PER2: variants seen among roughly 807,000 people sequenced by gnomAD.
The protein encoded by PER2 is period circadian regulator 2.
PER2 carries 66 observed loss-of-function variants against 121.0 expected under a neutral mutation model. The ratio of observed to expected loss-of-function variants is 0.55; its 90% CI spans 0.45 to 0.67. The LOEUF (loss-of-function observed/expected upper bound fraction) is 0.67. Among genes scored for constraint, PER2 ranks in the 30% least tolerant of loss-of-function variants. PER2 has a pLI of 0.00. For synonymous variants in PER2, 684 were observed against 659.9 expected (o/e 1.04, Z -0.56); for missense variants, 1,521 against 1,635.0 (o/e 0.93, Z 1.20).
At position 238,253,257 on chromosome 2, in the gene PER2, C is replaced by T. The variant is rs767571659; in HGVS notation, c.2766G>A (p.Gln922=). ...ACTGAGGCTGGCTGGGGAAGAAGGC[C>T]TGGGGCAGGTTTGGGGTCCCCGAGG... ...SFPSGTPNLP[Q]AFFPSQPQFP... The change falls in exon 19 of 23, where the codon CAG becomes CAA. Residue 922 remains glutamine (Q), a synonymous_variant. Coordinates refer to ENST00000254657, the MANE Select transcript of PER2 (RefSeq NM_022817.3). The surrounding 1 kb of genome is among the most constrained non-coding windows in gnomAD (Gnocchi z 5.6). The T allele has an allele frequency of 6.8e-6, 11 of 1,607,732 alleles. No homozygotes were observed. In the South Asian group the frequency reaches 1.2e-4, roughly 18 times the overall value.
upstream of PER2, among the ~76,000 whole-genome samples, chr2:238,291,480 T>G (rs1696949167): frequency 6.6e-6 from 1 of 152,216 alleles, no homozygotes; most frequent in African/African-American, 2.4e-5. Context: ...GTAGGTGGCA[T>G]GGTTTGCGGG....
intron 12 of PER2, 51 bp downstream of exon 12, chr2:238,261,678 G>A: frequency 3.4e-6 from 4 of 1,173,198 alleles, no homozygotes; most frequent in Non-Finnish European, 3.7e-6. Flanking sequence ...TCCTCTGCAG[G>A]GGGCTCTCAG....
At chr2:238,295,494 A>T in the PER2 span, 2 of 152,104 alleles carry the variant, frequency 1.3e-5, no homozygotes, top group African/African-American at 4.8e-5. Flanking sequence ...CAGCGTCCCA[A>T]AGCTCTGGGA....
intron 21 of PER2, among the ~76,000 whole-genome samples, chr2:238,249,751 G>A (rs1026347980): frequency 2.0e-5 from 3 of 152,240 alleles, no homozygotes; most frequent in Non-Finnish European, 4.4e-5. Context: ...CGCTGTCCTG[G>A]TGATAGTGAG....
At position 238,257,016 on chromosome 2, in the gene PER2, C is replaced by G; in HGVS notation, c.1971G>C (p.Pro657=). The change falls in exon 17 of 23, where the codon CCG becomes CCC. Residue 657 remains proline, a synonymous_variant. Transcript: ENST00000254657. ...VGTHLTSLAL[P]GKAESVASLT... ...GCGACGCCACACTCTCTGCCTTGCC[C>G]GGCAGTGCCAGCGAGGTCAGGTGCG... is the stretch of plus-strand genomic sequence containing the variant. 6.2e-7 allele frequency: 1 copy of G among 1,613,546 alleles called. No homozygotes were observed. Among genetic ancestry groups the G allele is most frequent in the Admixed American group, 1.7e-5 (1 of 60,022 alleles).
rs564060677 is a variant in PER2, at chr2:238,263,162, C to T, written c.1047-104G>A. The T allele has an allele frequency of 4.1e-6, 3 of 727,556 alleles. No homozygotes were observed. The East Asian group carries it at 8.5e-5, about 21-fold the overall frequency. 45.1% of individuals were successfully genotyped at this position (727,556 alleles called of 1,614,324 possible). A position where few individuals can be genotyped will look rare whatever the true frequency, so the allele number is the denominator to read the frequency against. ...TGGAAAGAGAAGATACACTCCAAAC[C>T]CCACCCCCTCCCCCACCCCCGGAGA... On this transcript the variant is annotated intron_variant, in intron 9 of 22. Coordinates refer to ENST00000254657, the MANE Select transcript of PER2 (RefSeq NM_022817.3).
intron 21 of PER2, among the ~76,000 whole-genome samples, chr2:238,249,670 G>T (rs1411064559): frequency 6.6e-6 from 1 of 152,224 alleles, no homozygotes; most frequent in Non-Finnish European, 1.5e-5. Flanking sequence ...ATCTTATCTG[G>T]AACTGTAATA....
At chr2:238,292,549 G>T (rs974809611), upstream of PER2, among the ~76,000 whole-genome samples, 122 of 152,184 alleles carry the variant, frequency 8.0e-4, no homozygotes, top group African/African-American at 2.7e-3. Context: ...TCCTTGGCCC[G>T]TTCCACCCTG....
chr2:238,265,114 G>C (rs1696052988), intron 9 of PER2, among the ~76,000 whole-genome samples: 2 of 152,210 alleles, frequency 1.3e-5, no homozygotes, highest in Non-Finnish European at 2.9e-5. Flanking sequence ...GGGGCTCTGA[G>C]GCATGGAGAA....
intron 8 of PER2, among the ~76,000 whole-genome samples, chr2:238,266,159 T>A (rs12474243): frequency 0.59 from 89,530 of 151,778 alleles, 27,654 homozygotes; most frequent in Non-Finnish European, 0.68. Context: ...CACCTTGGCC[T>A]CCCAAAGTGC....
chr2:238,255,525 A>G, intron 18 of PER2, 132 bp downstream of exon 18: 1 of 925,792 alleles, frequency 1.1e-6, no homozygotes, highest in Admixed American at 1.7e-5. Flanking sequence ...TTGCCAGGGA[A>G]GTTCCAACAG....
In PER2 at chr2:238,250,625, G is replaced by A; in HGVS notation, c.3393C>T (p.Val1131=). 6.2e-7 allele frequency: 1 copy of A among 1,613,924 alleles called. No homozygotes were observed. The highest frequency in any genetic ancestry group is 1.7e-5 in the Admixed American group (1 of 60,028). Reference sequence around the variant, plus strand: ...TCAGCAGCCAGATGGGATCCTGCAGGACGCACTTAATGAAATGCTCACTTT... The same window carrying A: ...TCAGCAGCCAGATGGGATCCTGCAGAACGCACTTAATGAAATGCTCACTTT... The part of the protein sequence containing the change: ...MEESEHFIKC[V]LQDPIWLLMA... The change falls in exon 21 of 23, where the codon GTC becomes GTT. Residue 1131 remains valine (V), a synonymous_variant. Coordinates refer to ENST00000254657, the MANE Select transcript of PER2 (RefSeq NM_022817.3).
upstream of PER2, among the ~76,000 whole-genome samples, chr2:238,293,789 A>G (rs1027305325): frequency 1.3e-5 from 2 of 152,058 alleles, no homozygotes; most frequent in African/African-American, 4.8e-5. Context: ...CAAGGATTTC[A>G]CTGAGACGAA....
chr2:238,271,677 T>C (rs951112238), intron 5 of PER2, among the ~76,000 whole-genome samples, 164 bp from the exon 6 acceptor site: 2 of 152,104 alleles, frequency 1.3e-5, no homozygotes, highest in Non-Finnish European at 1.5e-5. Context: ...ATCTTGCCTG[T>C]TGACAGAGCA....
At chr2:238,285,963 G>A (rs540281111) in intron 1 of PER2, among the ~76,000 whole-genome samples, 18 of 152,218 alleles carry the variant, frequency 1.2e-4, no homozygotes, top group African/African-American at 4.3e-4. Context: ...ATAAACAGCC[G>A]CACTCTCCAT....
chr2:238,257,507 T>A (rs1293494742), intron 16 of PER2, among the ~76,000 whole-genome samples: 1 of 152,214 alleles, frequency 6.6e-6, no homozygotes, highest in Non-Finnish European at 1.5e-5. Context: ...GGAGTCTCGC[T>A]CTGTCACCCA....
chr2:238,258,187 T>G (rs921430784), intron 16 of PER2, 89 bp downstream of exon 16: 7 of 1,396,214 alleles, frequency 5.0e-6, no homozygotes, highest in African/African-American at 4.3e-5. Context: ...ACCCTTACAC[T>G]GTGTCCACAG....
In PER2 at chr2:238,252,999, C is replaced by G. The variant is rs891276705; in HGVS notation, c.3024G>C (p.Gly1008=). ...EAPEGGTGAM[G]TTGATETAAV... ...CTGCTGTCTCTGTGGCCCCTGTGGT[C>G]CCCATGGCTCCAGTGCCACCCTCAG... The change falls in exon 19 of 23, where the codon GGG becomes GGC. Residue 1008 remains glycine (G), a synonymous_variant. Transcript: ENST00000254657. The surrounding 1 kb of genome is among the most constrained non-coding windows in gnomAD (Gnocchi z 4.2). The G allele has an allele frequency of 6.2e-7, 1 of 1,613,978 alleles. No individual in the cohort carries two copies. Among genetic ancestry groups the G allele is most frequent in the Non-Finnish European group, 8.5e-7 (1 of 1,180,018 alleles).
At chr2:238,257,822 G>A (rs1010706641) in intron 16 of PER2, among the ~76,000 whole-genome samples, 3 of 152,246 alleles carry the variant, frequency 2.0e-5, no homozygotes, top group African/African-American at 2.4e-5. Flanking sequence ...CACTGACAGC[G>A]TTGTGTTAAG....
Sources: allele counts gnomAD v4.1 joint callset (sites outside exome capture counted in the v4.1 genomes callset), GRCh38; gene constraint gnomAD v4.1.1; non-coding constraint Gnocchi (gnomAD v3.1); transcripts MANE v1.5; gene names NCBI Gene and HGNC (gene_info 2026-07-23, HGNC 2026-07-21).